Variants in RFX3 observed in about 807,000 individuals in gnomAD.
RFX3 encodes the protein regulatory factor X3, also known as transcription factor RFX3.
A neutral mutation model predicts 98.6 loss-of-function variants in RFX3; 14 were observed. That is an observed-to-expected ratio of 0.14 (90% CI 0.09 to 0.22). RFX3 has a LOEUF of 0.22. RFX3 is among the 10% of genes least tolerant of loss of function. The probability of loss-of-function intolerance (pLI) is 1.00; values close to 1 mark genes in which losing one functional copy is unlikely to be tolerated. For synonymous variants in RFX3, 383 were observed against 328.4 expected (o/e 1.17, Z -1.80); for missense variants, 639 against 926.9 (o/e 0.69, Z 4.03).
intron 14 of RFX3, among the ~76,000 whole-genome samples, chr9:3,248,949 T>C (rs1028701581): frequency 2.0e-4 from 30 of 152,180 alleles, no homozygotes; most frequent in African/African-American, 5.1e-4. Context: ...CAAAATAAAA[T>C]CTTGGCTTCA....
At chr9:3,427,274 T>C (rs1489061144) in intron 1 of RFX3, among the ~76,000 whole-genome samples, 1 of 144,188 alleles carries the variant, frequency 6.9e-6, no homozygotes, top group East Asian at 2.0e-4. Flanking sequence ...ATATATATTT[T>C]ATTATATAAT....
At chr9:3,338,013 T>C (rs1833391560) in intron 3 of RFX3, among the ~76,000 whole-genome samples, 1 of 152,140 alleles carries the variant, frequency 6.6e-6, no homozygotes, top group Non-Finnish European at 1.5e-5. Context: ...ACAGATATTC[T>C]CAAGACTGAA....
chr9:3,387,235 T>C (rs993758167), intron 2 of RFX3, among the ~76,000 whole-genome samples: 1 of 152,168 alleles, frequency 6.6e-6, no homozygotes, highest in African/African-American at 2.4e-5. Flanking sequence ...TTGTATTTTC[T>C]TCAAAAGCTG....
chr9:3,332,004 G>A (rs984066271), intron 3 of RFX3, among the ~76,000 whole-genome samples: 1 of 152,082 alleles, frequency 6.6e-6, no homozygotes, highest in Non-Finnish European at 1.5e-5. Context: ...CCGCTTCTCA[G>A]TAGAGGGCAG....
intron 1 of RFX3, among the ~76,000 whole-genome samples, chr9:3,504,907 T>TATATAATATAACATATATTATATC (rs1816700470): frequency 7.1e-5 from 1 of 14,030 alleles, no homozygotes; most frequent in Admixed American, 8.4e-4. Context: ...ATATTATATA[T>TATATAATATAACATATATTATATC]ATATATAATA....
intron 1 of RFX3, among the ~76,000 whole-genome samples, chr9:3,448,175 T>A (rs1250102104): frequency 2.0e-5 from 3 of 152,070 alleles, no homozygotes; most frequent in South Asian, 2.1e-4. Flanking sequence ...AAAAAAAAAA[T>A]TACATTCTTA....
At chr9:3,479,271 T>G (rs1373683934) in intron 1 of RFX3, among the ~76,000 whole-genome samples, 1 of 152,184 alleles carries the variant, frequency 6.6e-6, no homozygotes, top group African/African-American at 2.4e-5. Flanking sequence ...ATATTTTTGT[T>G]GTTGTATAGG....
rs143633881 is a variant in RFX3, at chr9:3,312,804, G to A, written c.475-11184C>T. On this transcript the variant is annotated intron_variant, in intron 4 of 16. Transcript: ENST00000617270. ...TCTGAGATTGAACTGCAAGGTGGCA[G>A]TGAGGCTGGGAGAGGGGCGTCCGCC... is the stretch of plus-strand genomic sequence containing the variant. Among the ~76,000 whole-genome samples, 931 of 152,354 alleles carry A rather than the reference G, an allele frequency of 6.1e-3. 3 individuals carry two copies. The highest frequency in any genetic ancestry group is 9.9e-3 in the Non-Finnish European group (672 of 68,024).
chr9:3,369,904 A>C (rs187100645), intron 2 of RFX3, among the ~76,000 whole-genome samples: 21 of 151,482 alleles, frequency 1.4e-4, no homozygotes, highest in Non-Finnish European at 2.2e-4. Flanking sequence ...ATCTCCGCTC[A>C]CTGCAAGCTC....
chr9:3,452,004 T>C (rs2132878810), intron 1 of RFX3, among the ~76,000 whole-genome samples: 1 of 152,210 alleles, frequency 6.6e-6, no homozygotes, highest in South Asian at 2.1e-4. Context: ...ATTGGAAAAA[T>C]GAGAAGCATA....
rs562012505 is a variant in RFX3 at position 3,323,346 on chromosome 9, T to C, written c.474+6913A>G. On this transcript the variant is annotated intron_variant, in intron 4 of 16. Coordinates refer to ENST00000617270, the MANE Select transcript of RFX3 (RefSeq NM_001282116.2). ...TTTCTGAGTCTAATATTGACTCATA[T>C]GTCACTCTTAGACTACAATGTATTA... Among the ~76,000 whole-genome samples the C allele has an allele frequency of 5.9e-5, 9 of 152,368 alleles. No individual in the cohort carries two copies. The South Asian group carries it at 8.3e-4, about 14-fold the overall frequency.
At chr9:3,523,878 A>C (rs947768189) in intron 1 of RFX3, among the ~76,000 whole-genome samples, 1 of 152,240 alleles carries the variant, frequency 6.6e-6, no homozygotes, top group Non-Finnish European at 1.5e-5. Flanking sequence ...CTTTCAGAAC[A>C]AAATATCGTC....
At chr9:3,263,536 C>A (rs1489971812) in intron 12 of RFX3, among the ~76,000 whole-genome samples, 1 of 152,118 alleles carries the variant, frequency 6.6e-6, no homozygotes, top group Non-Finnish European at 1.5e-5. Context: ...CTACTCTTTA[C>A]ATTGTATTTA....
At chr9:3,366,611 GT>G in intron 2 of RFX3, among the ~76,000 whole-genome samples, 1 of 148,994 alleles carries the variant, frequency 6.7e-6, no homozygotes, top group Non-Finnish European at 1.5e-5. Context: ...CCACTAGTCT[GT>G]TTTTGGCAAA....
chr9:3,369,992 C>A (rs984824928), intron 2 of RFX3, among the ~76,000 whole-genome samples: 18 of 135,002 alleles, frequency 1.3e-4, no homozygotes, highest in Non-Finnish European at 2.6e-4. Context: ...CTACGCCCGG[C>A]TAATTTTTTT....
chr9:3,486,548 T>C (rs545930643), intron 1 of RFX3, among the ~76,000 whole-genome samples: 3 of 152,320 alleles, frequency 2.0e-5, no homozygotes, highest in African/African-American at 7.2e-5. Flanking sequence ...CTGCTTTATG[T>C]CCAGAATAAG....
At chr9:3,490,510 A>C (rs1438978554) in intron 1 of RFX3, among the ~76,000 whole-genome samples, 1 of 152,120 alleles carries the variant, frequency 6.6e-6, no homozygotes, top group Non-Finnish European at 1.5e-5. Flanking sequence ...GAATGCACTG[A>C]TATTTTTAGA....
chr9:3,505,784 A>C (rs1044534693), intron 1 of RFX3, among the ~76,000 whole-genome samples: 1 of 143,892 alleles, frequency 6.9e-6, no homozygotes, highest in Non-Finnish European at 1.5e-5. Flanking sequence ...TACACTCTCT[A>C]CCCCCCTGCT....
chr9:3,386,767 T>C (rs1051473150), intron 2 of RFX3, among the ~76,000 whole-genome samples: 24 of 152,144 alleles, frequency 1.6e-4, no homozygotes, highest in African/African-American at 4.1e-4. Context: ...CCAAATTTCA[T>C]AGGATTAAGA....
Sources: gnomAD v4.1 joint callset for allele counts (sites outside exome capture counted in the v4.1 genomes callset) on GRCh38, gnomAD v4.1.1 for gene constraint, MANE v1.5 for transcripts, NCBI Gene and HGNC (gene_info 2026-07-23, HGNC 2026-07-21) for gene names.